GNB4: variants seen among roughly 807,000 people sequenced by gnomAD.
The protein encoded by GNB4 is guanine nucleotide-binding protein subunit beta-4.
A neutral mutation model predicts 45.2 loss-of-function variants in GNB4; 28 were observed. That is an observed-to-expected ratio of 0.62 (90% CI 0.46 to 0.85). The LOEUF (loss-of-function observed/expected upper bound fraction) is 0.85. Among genes scored for constraint, GNB4 ranks in the 40% least tolerant of loss-of-function variants. The pLI is 0.00. For missense variants in GNB4, 321 were observed against 425.4 expected (o/e 0.75, Z 2.16); for synonymous variants, 132 against 143.7 (o/e 0.92, Z 0.58).
the GNB4 span, chr3:179,465,428 C>T: frequency 1.6e-5 from 7 of 449,070 alleles, no homozygotes; most frequent in Middle Eastern, 6.5e-4. Flanking sequence ...ATGGTGAAAC[C>T]CCCGTCTCTA....
At chr3:179,438,171 G>C (rs1003214375) in intron 1 of GNB4, among the ~76,000 whole-genome samples, 2 of 152,142 alleles carry the variant, frequency 1.3e-5, no homozygotes, top group African/African-American at 4.8e-5. Context: ...CATTTATTAC[G>C]TGTATGTACA....
the GNB4 span, among the ~76,000 whole-genome samples, chr3:179,493,183 G>A: frequency 6.6e-6 from 1 of 152,264 alleles, no homozygotes; most frequent in South Asian, 2.1e-4. Flanking sequence ...AAGGGAACAT[G>A]ATGCCACCAA....
chr3:179,525,055 A>G, the GNB4 span, among the ~76,000 whole-genome samples: 1 of 151,718 alleles, frequency 6.6e-6, no homozygotes, highest in African/African-American at 2.4e-5. Context: ...CAAAGGACTC[A>G]GAGCTTGGGA....
At chr3:179,465,026 G>C in the GNB4 span, 2 of 1,512,336 alleles carry the variant, frequency 1.3e-6, no homozygotes, top group Non-Finnish European at 1.8e-6. Flanking sequence ...TGATGCCACT[G>C]TTACAATATC....
At chr3:179,494,488 C>CA in the GNB4 span, among the ~76,000 whole-genome samples, 1 of 141,804 alleles carries the variant, frequency 7.1e-6, no homozygotes, top group Non-Finnish European at 1.5e-5. Context: ...CCCTGGGCAA[C>CA]ATTACAAGAC....
At chr3:179,402,153 A>T (rs1201084569) in intron 9 of GNB4, among the ~76,000 whole-genome samples, 1 of 152,184 alleles carries the variant, frequency 6.6e-6, no homozygotes, top group Non-Finnish European at 1.5e-5. Context: ...ATTTACCATT[A>T]TGAGTTGAAA....
At chr3:179,526,436 A>G in the GNB4 span, among the ~76,000 whole-genome samples, 1 of 152,208 alleles carries the variant, frequency 6.6e-6, no homozygotes, top group South Asian at 2.1e-4. Flanking sequence ...TCTCTACCCC[A>G]CTGTCACTGA....
At chr3:179,477,340 C>T in the GNB4 span, among the ~76,000 whole-genome samples, 1 of 152,186 alleles carries the variant, frequency 6.6e-6, no homozygotes, top group Non-Finnish European at 1.5e-5. Flanking sequence ...GGTAGCCACA[C>T]AGCTCCTTCA....
At chr3:179,450,369 G>C (rs761780218) in intron 1 of GNB4, among the ~76,000 whole-genome samples, 1 of 152,128 alleles carries the variant, frequency 6.6e-6, no homozygotes, top group Non-Finnish European at 1.5e-5. Context: ...ATTAAGTAGC[G>C]TGTGTTCTGT....
In GNB4 at chr3:179,396,448, C is replaced by T. The variant is rs902321221; in HGVS notation, c.*4765G>A. 6.6e-6 allele frequency: 1 copy of T among 152,170 alleles called. No individual in the cohort carries two copies. The highest frequency in any genetic ancestry group is 2.4e-5 in the African/African-American group (1 of 41,444). The allele number at this position is 152,170 out of a possible 1,614,324, so 9.4% of individuals were successfully genotyped here. ...AAATAGAAATGCAAGTGTTCAGATG[C>T]TTCTTTGAAAAGAAAACAATAGGAT... On this transcript the variant is annotated 3_prime_UTR_variant, in exon 10 of 10. Transcript: ENST00000232564.
Position 179,400,059 on chromosome 3 carries a change from A to G in GNB4, c.*1154T>C, listed in dbSNP as rs1002248069. ...TTACATCTAGACATCCTTTGAAGCA[A>G]AACCACTTAGAAACCAGTATTTTGT... On this transcript the variant is annotated 3_prime_UTR_variant, in exon 10 of 10. Coordinates refer to ENST00000232564, the MANE Select transcript of GNB4 (RefSeq NM_021629.4). 1 of 152,242 alleles carries G rather than the reference A, an allele frequency of 6.6e-6. No individual in the cohort carries two copies. Among genetic ancestry groups the G allele is most frequent in the African/African-American group, 2.4e-5 (1 of 41,462 alleles). 9.4% of individuals were successfully genotyped at this position (152,242 alleles called of 1,614,324 possible).
At chr3:179,441,002 T>C (rs1715580914) in intron 1 of GNB4, among the ~76,000 whole-genome samples, 1 of 152,222 alleles carries the variant, frequency 6.6e-6, no homozygotes, top group Non-Finnish European at 1.5e-5. Flanking sequence ...TCCTATTATT[T>C]TCACCTATAC....
chr3:179,448,474 G>GTT (rs201658867), intron 1 of GNB4, among the ~76,000 whole-genome samples: 1 of 142,272 alleles, frequency 7.0e-6, no homozygotes. Flanking sequence ...AACTTACTTG[G>GTT]TTTTTTTTTT....
chr3:179,446,635 T>C (rs781205648), intron 1 of GNB4, among the ~76,000 whole-genome samples: 1 of 152,212 alleles, frequency 6.6e-6, no homozygotes, highest in Non-Finnish European at 1.5e-5. Context: ...TCTTGTATTT[T>C]AGTTTCTTCT....
At chr3:179,432,229 G>A (rs2108609622) in intron 1 of GNB4, among the ~76,000 whole-genome samples, 1 of 152,308 alleles carries the variant, frequency 6.6e-6, no homozygotes, top group Non-Finnish European at 1.5e-5. Flanking sequence ...TGTGATGCCT[G>A]TGCCAGACAA....
At chr3:179,447,340 T>C (rs983946729) in intron 1 of GNB4, among the ~76,000 whole-genome samples, 3 of 83,216 alleles carry the variant, frequency 3.6e-5, no homozygotes, top group East Asian at 7.9e-4. Context: ...CTCTTGATCA[T>C]GGTATTAAAA....
chr3:179,468,035 A>AAAAAATATATATATATAT, the GNB4 span, among the ~76,000 whole-genome samples: 3 of 89,854 alleles, frequency 3.3e-5, no homozygotes, highest in African/African-American at 1.2e-4. Flanking sequence ...TGTTGATAAA[A>AAAAAATATATATATATAT]ATATATATAT....
chr3:179,413,790 TAA>T lies in GNB4; in HGVS notation c.431-11_431-10del, dbSNP rs778339130. Reference sequence around the variant, plus strand: ...ACAGCAGGACAAGTACCCTACAGCATAAAGAGTAGCAAATTTTAGGTTATCAC... The same window carrying T: ...ACAGCAGGACAAGTACCCTACAGCATAGAGTAGCAAATTTTAGGTTATCAC... On this transcript the variant is annotated splice_polypyrimidine_tract_variant and intron_variant, in intron 6 of 9. Transcript: ENST00000232564. 8 of 1,612,002 alleles carry T rather than the reference TAA, an allele frequency of 5.0e-6. No homozygotes were observed. Among genetic ancestry groups the T allele is most frequent in the Non-Finnish European group, 5.1e-6 (6 of 1,178,364 alleles).
At chr3:179,467,659 G>A in the GNB4 span, among the ~76,000 whole-genome samples, 1 of 152,144 alleles carries the variant, frequency 6.6e-6, no homozygotes, top group Non-Finnish European at 1.5e-5. Flanking sequence ...GAGAAAGTAA[G>A]TGTCAGATGC....
Sources: allele counts gnomAD v4.1 joint callset (sites outside exome capture counted in the v4.1 genomes callset), GRCh38; gene constraint gnomAD v4.1.1; transcripts MANE v1.5; gene names NCBI Gene and HGNC (gene_info 2026-07-23, HGNC 2026-07-21).